Variants in ANO6 observed in about 807,000 individuals in gnomAD.
The protein encoded by ANO6 is anoctamin-6.
A neutral mutation model predicts 117.5 loss-of-function variants in ANO6; 106 were observed. That is an observed-to-expected ratio of 0.90 (90% CI 0.77 to 1.06). The LOEUF (loss-of-function observed/expected upper bound fraction) is 1.06. Ranked by LOEUF, ANO6 falls within the 50% of genes least tolerant of loss-of-function variation. The pLI is 0.00. For synonymous variants in ANO6, 367 were observed against 385.1 expected, an observed-to-expected ratio of 0.95 and a Z score of 0.55; for missense variants, 955 against 1,121.1, an observed-to-expected ratio of 0.85 and a Z score of 2.12.
intron 1 of ANO6, among the ~76,000 whole-genome samples, chr12:45,229,192 A>G (rs948285163): frequency 2.0e-5 from 3 of 152,162 alleles, no homozygotes; most frequent in Non-Finnish European, 4.4e-5. Flanking sequence ...TATTTCTGCC[A>G]TCTGTTACAG....
intron 1 of ANO6, among the ~76,000 whole-genome samples, chr12:45,290,769 A>T (rs1939067323): frequency 6.6e-6 from 1 of 152,222 alleles, no homozygotes; most frequent in South Asian, 2.1e-4. Flanking sequence ...TAAATGCTAA[A>T]AGTTGCAGAA....
intron 3 of ANO6, among the ~76,000 whole-genome samples, chr12:45,336,092 T>TA (rs1213797850): frequency 6.6e-6 from 1 of 152,048 alleles, no homozygotes; most frequent in Admixed American, 6.6e-5. Flanking sequence ...AAAATTTCAC[T>TA]ATTAAATATT....
chr12:45,385,910 G>T (rs1243609891), intron 10 of ANO6, among the ~76,000 whole-genome samples: 2 of 152,156 alleles, frequency 1.3e-5, no homozygotes, highest in Non-Finnish European at 2.9e-5. Flanking sequence ...TGCCATTGGG[G>T]AGTGTTGGAT....
intron 11 of ANO6, 106 bp downstream of exon 11, chr12:45,388,409 C>A (rs1942357911): frequency 2.1e-6 from 3 of 1,415,870 alleles, no homozygotes; most frequent in Non-Finnish European, 2.0e-6. Flanking sequence ...ATATTGATAC[C>A]TGAGTTCCAT....
chr12:45,398,576 C>T (rs1166627892), intron 12 of ANO6, among the ~76,000 whole-genome samples: 1 of 152,162 alleles, frequency 6.6e-6, no homozygotes, highest in Non-Finnish European at 1.5e-5. Flanking sequence ...GATTTTTTCA[C>T]ATACTTATCA....
At chr12:45,289,953 G>A (rs1384438282) in intron 1 of ANO6, among the ~76,000 whole-genome samples, 2 of 152,128 alleles carry the variant, frequency 1.3e-5, no homozygotes, top group Non-Finnish European at 2.9e-5. Flanking sequence ...AAATTTTTTT[G>A]GTAATTCCTT....
At chr12:45,309,602 T>C (rs1377266089) in intron 2 of ANO6, among the ~76,000 whole-genome samples, 5 of 152,042 alleles carry the variant, frequency 3.3e-5, no homozygotes, top group Admixed American at 1.3e-4. Context: ...AGACTTTGTT[T>C]TGGTTATTTC....
chr12:45,299,306 A>G (rs575138931), intron 1 of ANO6, among the ~76,000 whole-genome samples: 1 of 152,334 alleles, frequency 6.6e-6, no homozygotes, highest in Admixed American at 6.5e-5. Context: ...TGTGGTGATT[A>G]CTATAGCCCT....
chr12:45,278,259 CA>C (rs1172706147), intron 1 of ANO6, among the ~76,000 whole-genome samples: 1 of 152,134 alleles, frequency 6.6e-6, no homozygotes, highest in Non-Finnish European at 1.5e-5. Context: ...GCCCAACCCC[CA>C]ACTCCATTTT....
chr12:45,377,944 C>A, intron 9 of ANO6, 109 bp from the exon 10 acceptor site: 2 of 1,013,658 alleles, frequency 2.0e-6, no homozygotes, highest in Non-Finnish European at 1.6e-6. Flanking sequence ...AACTAGGCAT[C>A]ACCTTTGAAA....
At chr12:45,287,384 T>G (rs1938951990) in intron 1 of ANO6, among the ~76,000 whole-genome samples, 1 of 152,222 alleles carries the variant, frequency 6.6e-6, no homozygotes, top group Admixed American at 6.5e-5. Context: ...CCATGCCTCT[T>G]CATCAGTGAT....
intron 10 of ANO6, among the ~76,000 whole-genome samples, chr12:45,384,101 A>G (rs1302874304): frequency 6.6e-6 from 1 of 152,212 alleles, no homozygotes; most frequent in African/African-American, 2.4e-5. Flanking sequence ...TTGCACTTCT[A>G]TGCTATGGAG....
chr12:45,334,659 C>CTGATCA (rs1483163625), intron 3 of ANO6, among the ~76,000 whole-genome samples: 2 of 151,974 alleles, frequency 1.3e-5, no homozygotes, highest in Non-Finnish European at 2.9e-5. Flanking sequence ...CTTGAGTCAC[C>CTGATCA]TGATCACAGA....
At chr12:45,328,312 T>C (rs1940541600) in intron 2 of ANO6, among the ~76,000 whole-genome samples, 1 of 152,116 alleles carries the variant, frequency 6.6e-6, no homozygotes, top group African/African-American at 2.4e-5. Context: ...GCTTCCACAA[T>C]ACTTGTCTTT....
intron 19 of ANO6, among the ~76,000 whole-genome samples, chr12:45,438,450 A>G (rs968387047): frequency 3.9e-5 from 6 of 152,162 alleles, no homozygotes; most frequent in Non-Finnish European, 7.3e-5. Flanking sequence ...TTGAGTGCCA[A>G]TGTGATGCCA....
At chr12:45,310,278 A>G (rs1342729055) in intron 2 of ANO6, among the ~76,000 whole-genome samples, 2 of 152,142 alleles carry the variant, frequency 1.3e-5, no homozygotes, top group African/African-American at 2.4e-5. Context: ...CCAGCCAGAC[A>G]AGACCTGCTA....
chr12:45,333,871 G>GA (rs896558491), intron 3 of ANO6, among the ~76,000 whole-genome samples: 1 of 151,710 alleles, frequency 6.6e-6, no homozygotes, highest in African/African-American at 2.4e-5. Flanking sequence ...TTCTTTGAAA[G>GA]AAAAAAAACT....
chr12:45,327,964 A>G (rs951600617), intron 2 of ANO6, among the ~76,000 whole-genome samples: 3 of 152,178 alleles, frequency 2.0e-5, no homozygotes, highest in Non-Finnish European at 4.4e-5. Flanking sequence ...TTAACAGGGC[A>G]GGAAGCAGAC....
rs963852547 is a variant in ANO6, at chr12:45,313,833, A to G, written c.150+11740A>G. Among the ~76,000 whole-genome samples the G allele has an allele frequency of 2.6e-5, 4 of 152,134 alleles. No homozygotes were observed. The East Asian group carries it at 7.7e-4, about 29-fold the overall frequency. On this transcript the variant is annotated intron_variant, in intron 2 of 19. Coordinates refer to ENST00000320560, the MANE Select transcript of ANO6 (RefSeq NM_001025356.3). ...TAATGTAATTTTCAATGAACTAGAA[A>G]TAGGCTATTTAAGTTATGTACTATT...
Sources: gnomAD v4.1 joint callset for allele counts (sites outside exome capture counted in the v4.1 genomes callset) on GRCh38, gnomAD v4.1.1 for gene constraint, MANE v1.5 for transcripts, NCBI Gene and HGNC (gene_info 2026-07-23, HGNC 2026-07-21) for gene names.